The following MEIKIN variants were observed in gnomAD, a reference collection of about 807,000 sequenced individuals.
MEIKIN encodes meiosis-specific kinetochore protein.
intron 10 of MEIKIN, among the ~76,000 whole-genome samples, chr5:131,854,364 C>T (rs956634918): frequency 6.6e-6 from 1 of 151,932 alleles, no homozygotes; most frequent in Non-Finnish European, 1.5e-5. Context: ...CTGTTTAATG[C>T]ATATGGAATT....
chr5:131,818,712 A>T (rs1435357906), intron 12 of MEIKIN, 28 bp downstream of exon 12: 1 of 396,678 alleles, frequency 2.5e-6, no homozygotes, highest in East Asian at 3.6e-5. Flanking sequence ...TCATCCAAAA[A>T]GTATGCTCTG....
At chr5:131,845,838 G>C (rs1054724630) in intron 11 of MEIKIN, among the ~76,000 whole-genome samples, 2 of 152,094 alleles carry the variant, frequency 1.3e-5, no homozygotes, top group Admixed American at 6.6e-5. Flanking sequence ...GAAAGTCCCA[G>C]AAGGAAAAGA....
At chr5:131,937,036 T>C (rs1431749879) in intron 4 of MEIKIN, among the ~76,000 whole-genome samples, 1 of 152,194 alleles carries the variant, frequency 6.6e-6, no homozygotes, top group Non-Finnish European at 1.5e-5. Context: ...AAATTTGGAC[T>C]GTTTGTCCTC....
At chr5:131,876,017 T>C (rs1580885148) in intron 9 of MEIKIN, among the ~76,000 whole-genome samples, 1 of 152,160 alleles carries the variant, frequency 6.6e-6, no homozygotes, top group Non-Finnish European at 1.5e-5. Flanking sequence ...AAGACTTACA[T>C]GTTAGACCTA....
intron 4 of MEIKIN, among the ~76,000 whole-genome samples, chr5:131,936,718 C>A (rs2149653993): frequency 6.6e-6 from 1 of 152,258 alleles, no homozygotes; most frequent in Middle Eastern, 3.4e-3. Context: ...CCTCAGCCTC[C>A]TGAGTAGCTG....
At chr5:131,941,493 G>C (rs1751869825) in intron 4 of MEIKIN, among the ~76,000 whole-genome samples, 1 of 152,034 alleles carries the variant, frequency 6.6e-6, no homozygotes, top group Admixed American at 6.5e-5. Flanking sequence ...TTGCTTTACT[G>C]ATCAAGGGTT....
At chr5:131,944,107 T>C (rs1241772945) in intron 3 of MEIKIN, among the ~76,000 whole-genome samples, 7 of 143,212 alleles carry the variant, frequency 4.9e-5, no homozygotes, top group African/African-American at 1.3e-4. Context: ...CAAGACTCTG[T>C]CTCCAAAAAA....
intron 5 of MEIKIN, among the ~76,000 whole-genome samples, chr5:131,925,678 G>C (rs1390335551): frequency 6.6e-6 from 1 of 150,554 alleles, no homozygotes; most frequent in African/African-American, 2.4e-5. Context: ...TTTGTTTTTT[G>C]TTTTTTTTGA....
At chr5:131,844,291 A>G (rs1749972062) in intron 11 of MEIKIN, among the ~76,000 whole-genome samples, 1 of 152,188 alleles carries the variant, frequency 6.6e-6, no homozygotes, top group South Asian at 2.1e-4. Context: ...TTCACCTAAA[A>G]CAACAAAAAT....
chr5:131,868,473 T>C (rs1019699438), intron 9 of MEIKIN, among the ~76,000 whole-genome samples: 1 of 152,244 alleles, frequency 6.6e-6, no homozygotes, highest in African/African-American at 2.4e-5. Flanking sequence ...TTGTATATCT[T>C]CTTTAGTGAG....
intron 11 of MEIKIN, among the ~76,000 whole-genome samples, chr5:131,840,830 T>G (rs1749892731): frequency 6.6e-6 from 1 of 152,238 alleles, no homozygotes; most frequent in African/African-American, 2.4e-5. Flanking sequence ...TTATCCATAT[T>G]CTGAATTCTA....
At chr5:131,941,950 T>C (rs920894943) in intron 4 of MEIKIN, among the ~76,000 whole-genome samples, 1 of 152,098 alleles carries the variant, frequency 6.6e-6, no homozygotes, top group African/African-American at 2.4e-5. Context: ...CTTTTTTCCA[T>C]CTCCAATGTC....
intron 9 of MEIKIN, among the ~76,000 whole-genome samples, chr5:131,875,103 T>A (rs1203472648): frequency 6.6e-6 from 1 of 152,170 alleles, no homozygotes; most frequent in Non-Finnish European, 1.5e-5. Context: ...ATGTCCTCTC[T>A]TACCACTCCG....
At chr5:131,842,205 T>A (rs1749927674) in intron 11 of MEIKIN, among the ~76,000 whole-genome samples, 2 of 152,154 alleles carry the variant, frequency 1.3e-5, no homozygotes, top group South Asian at 4.1e-4. Flanking sequence ...GACCTCGTGA[T>A]CTGCCTGCCT....
intron 8 of MEIKIN, 114 bp downstream of exon 8, chr5:131,911,701 T>C: frequency 5.2e-6 from 2 of 385,530 alleles, no homozygotes; most frequent in Non-Finnish European, 9.2e-6. Flanking sequence ...CTCGGTTCAC[T>C]GGGCTACTAA....
At chr5:131,936,642 T>G (rs1340438372) in intron 4 of MEIKIN, among the ~76,000 whole-genome samples, 5 of 152,216 alleles carry the variant, frequency 3.3e-5, no homozygotes, top group Non-Finnish European at 7.3e-5. Flanking sequence ...TCACCCAGGC[T>G]GGAGTGTAGT....
chr5:131,914,504 AAAG>A (rs1751381537), intron 7 of MEIKIN, among the ~76,000 whole-genome samples: 1 of 146,186 alleles, frequency 6.8e-6, no homozygotes, highest in Admixed American at 6.8e-5. Flanking sequence ...GAGAAAAAGA[AAAG>A]AAAAAGAAAA....
chr5:131,942,972 G>A (rs924021438), intron 3 of MEIKIN, among the ~76,000 whole-genome samples: 5 of 152,122 alleles, frequency 3.3e-5, no homozygotes, highest in African/African-American at 9.6e-5. Context: ...AGAAGATAGA[G>A]GTGAATATTT....
rs372928847 is a variant in MEIKIN, at chr5:131,894,393, G to T, written c.704-15345C>A. On this transcript the variant is annotated intron_variant, in intron 8 of 12. Transcript: ENST00000442687. ...ACTTGGCAATGCAGGCTCTTTTTTG[G>T]TTCCATATGAACTTGAAAGTAGTTT... 3.3e-5 allele frequency among the ~76,000 whole-genome samples: 5 copies of T among 152,242 alleles called. No individual in the cohort carries two copies. The South Asian group carries it at 6.2e-4, about 19-fold the overall frequency.
Sources: gnomAD v4.1 joint callset for allele counts (sites outside exome capture counted in the v4.1 genomes callset) on GRCh38, gnomAD v4.1.1 for gene constraint, MANE v1.5 for transcripts, NCBI Gene and HGNC (gene_info 2026-07-23, HGNC 2026-07-21) for gene names.